SLC5A4: variants seen among roughly 807,000 people sequenced by gnomAD.
SLC5A4 encodes the protein solute carrier family 5 member 4, also known as probable glucose sensor protein SLC5A4.
SLC5A4 carries 55 observed loss-of-function variants against 70.3 expected under a neutral mutation model. The ratio of observed to expected loss-of-function variants is 0.78; its 90% CI spans 0.63 to 0.98. The LOEUF (loss-of-function observed/expected upper bound fraction) is 0.98. SLC5A4 is among the 50% of genes least tolerant of loss of function. The pLI is 0.00. For synonymous variants in SLC5A4, 268 were observed against 305.7 expected, an observed-to-expected ratio of 0.88 and a Z score of 1.29; for missense variants, 735 against 839.2, an observed-to-expected ratio of 0.88 and a Z score of 1.53.
chr22:32,218,801 C>T (rs1924882250), intron 14 of SLC5A4, 76 bp from the exon 15 acceptor site: 1 of 1,013,670 alleles, frequency 9.9e-7, no homozygotes, highest in Admixed American at 2.3e-5. Context: ...AGTGTAGTAC[C>T]TATGACTGTA....
chr22:32,312,417 C>A, the SLC5A4 span, among the ~76,000 whole-genome samples: 2 of 151,826 alleles, frequency 1.3e-5, no homozygotes, highest in South Asian at 4.2e-4. Context: ...CAAATAGCCC[C>A]AAGGGGCCGC....
chr22:32,297,324 T>C, the SLC5A4 span, among the ~76,000 whole-genome samples: 1 of 151,104 alleles, frequency 6.6e-6, no homozygotes, highest in Admixed American at 6.6e-5. Flanking sequence ...ATTGCCACAA[T>C]TTCAGCTCCT....
the SLC5A4 span, among the ~76,000 whole-genome samples, chr22:32,341,303 G>T: frequency 1.3e-5 from 2 of 152,064 alleles, no homozygotes; most frequent in Non-Finnish European, 2.9e-5. Context: ...TAAGATCAGG[G>T]AGATGAGGAT....
chr22:32,282,229 G>A, the SLC5A4 span, among the ~76,000 whole-genome samples: 2 of 151,974 alleles, frequency 1.3e-5, no homozygotes, highest in Admixed American at 1.3e-4. Context: ...CCCCCCTCCA[G>A]CACACTCTTG....
chr22:32,339,990 T>A, the SLC5A4 span, among the ~76,000 whole-genome samples: 46 of 152,098 alleles, frequency 3.0e-4, no homozygotes, highest in Admixed American at 2.6e-3. Context: ...CAGCATAGAG[T>A]GGCATCATCT....
At chr22:32,271,527 T>C in the SLC5A4 span, 4 of 709,454 alleles carry the variant, frequency 5.6e-6, no homozygotes, top group Non-Finnish European at 1.0e-5. Flanking sequence ...GCCGAAGCCA[T>C]CCAAGAAGAA....
chr22:32,352,886 G>A, the SLC5A4 span, among the ~76,000 whole-genome samples: 9,977 of 152,276 alleles, frequency 0.066, 400 homozygotes, highest in Admixed American at 0.11. Context: ...CCACTCCAGC[G>A]CTGAGTCTTT....
chr22:32,255,094 A>G, intron 1 of SLC5A4, 101 bp downstream of exon 1: 2 of 1,060,172 alleles, frequency 1.9e-6, no homozygotes, highest in Admixed American at 1.9e-5. Context: ...TAACACAATG[A>G]CATTTGTGAA....
chr22:32,298,882 TGTAAA>T, the SLC5A4 span, among the ~76,000 whole-genome samples: 70 of 105,294 alleles, frequency 6.6e-4, 1 homozygote, highest in East Asian at 0.017. Context: ...TTTGCTTGTC[TGTAAA>T]GTATTTTATT....
chr22:32,306,660 C>T, the SLC5A4 span, among the ~76,000 whole-genome samples: 2 of 152,264 alleles, frequency 1.3e-5, no homozygotes, highest in South Asian at 2.1e-4. Flanking sequence ...TCCCCCAACC[C>T]CTGCCGCTGT....
chr22:32,352,590 G>A, the SLC5A4 span, among the ~76,000 whole-genome samples: 3 of 152,200 alleles, frequency 2.0e-5, no homozygotes, highest in South Asian at 6.2e-4. Flanking sequence ...CCTTCCCCTG[G>A]CTGCACCTCC....
the SLC5A4 span, among the ~76,000 whole-genome samples, chr22:32,287,317 G>A: frequency 4.3e-4 from 66 of 152,210 alleles, no homozygotes; most frequent in Middle Eastern, 6.8e-3. Flanking sequence ...AATGACAAAA[G>A]GGCCAGGGAG....
At chr22:32,254,046 G>A (rs1569384444) in intron 2 of SLC5A4, 96 bp downstream of exon 2, 2 of 958,870 alleles carry the variant, frequency 2.1e-6, no homozygotes, top group Non-Finnish European at 3.4e-6. Context: ...CTCCCAAAGT[G>A]CTGGGATTAC....
At chr22:32,278,466 T>C in the SLC5A4 span, among the ~76,000 whole-genome samples, 7 of 152,238 alleles carry the variant, frequency 4.6e-5, no homozygotes, top group Non-Finnish European at 1.0e-4. Flanking sequence ...CTGTCTTTAC[T>C]GAGTTCCAGA....
At chr22:32,299,844 CCTTT>C in the SLC5A4 span, among the ~76,000 whole-genome samples, 6 of 126,310 alleles carry the variant, frequency 4.8e-5, 2 homozygotes, top group Admixed American at 8.3e-5. Context: ...GTGTGGATGT[CCTTT>C]CTGTTTGTTA....
the SLC5A4 span, among the ~76,000 whole-genome samples, chr22:32,289,869 GACTT>G: frequency 6.6e-6 from 1 of 152,134 alleles, no homozygotes; most frequent in Non-Finnish European, 1.5e-5. Context: ...TGATGAGTGA[GACTT>G]ACTTTGTCAG....
intron 3 of SLC5A4, among the ~76,000 whole-genome samples, chr22:32,251,485 TTC>T (rs138657436): frequency 2.0e-5 from 3 of 147,234 alleles, no homozygotes; most frequent in East Asian, 2.0e-4. Flanking sequence ...CTCTGTCTCT[TTC>T]TCTCTCTCTC....
intron 6 of SLC5A4, among the ~76,000 whole-genome samples, chr22:32,237,735 T>C: frequency 6.6e-6 from 1 of 152,194 alleles, no homozygotes; most frequent in East Asian, 1.9e-4. Context: ...ATTAATTCAG[T>C]ACCAGATATA....
the SLC5A4 span, among the ~76,000 whole-genome samples, chr22:32,305,296 C>T: frequency 9.3e-5 from 14 of 150,274 alleles, no homozygotes; most frequent in African/African-American, 3.4e-4. Flanking sequence ...ACGTGTCTGA[C>T]TGCTCCCGGG....
Sources: allele counts gnomAD v4.1 joint callset (sites outside exome capture counted in the v4.1 genomes callset), GRCh38; gene constraint gnomAD v4.1.1; transcripts MANE v1.5; gene names NCBI Gene and HGNC (gene_info 2026-07-23, HGNC 2026-07-21).